EBF1: variants seen among roughly 807,000 people sequenced by gnomAD.
The protein encoded by EBF1 is transcription factor COE1.
A neutral mutation model predicts 68.4 loss-of-function variants in EBF1; 10 were observed. The observed-to-expected ratio is 0.15, with a 90% confidence interval of 0.09 to 0.25. The LOEUF (loss-of-function observed/expected upper bound fraction) is 0.25. Ranked by LOEUF, EBF1 falls within the 10% of genes least tolerant of loss-of-function variation. The pLI is 1.00. For synonymous variants in EBF1, 298 were observed against 299.8 expected, an observed-to-expected ratio of 0.99 and a Z score of 0.06; for missense variants, 509 against 794.4, an observed-to-expected ratio of 0.64 and a Z score of 4.32.
chr5:158,920,484 T>A lies in EBF1; in HGVS notation c.555-80374A>T, dbSNP rs745756062. 2.0e-4 allele frequency among the ~76,000 whole-genome samples: 30 copies of A among 152,352 alleles called. No homozygotes were observed. The South Asian group carries it at 2.7e-3, about 14-fold the overall frequency. On this transcript the variant is annotated intron_variant, in intron 6 of 15. Coordinates refer to ENST00000313708, the MANE Select transcript of EBF1 (RefSeq NM_024007.5). ...TCCAATACCTCTGCTTTGTACCTAC[T>A]GGACACATGGCAGGCCTTGGTGGCC...
chr5:158,965,355 GA>G (rs34588832), intron 6 of EBF1, among the ~76,000 whole-genome samples: 7,732 of 151,782 alleles, frequency 0.051, 275 homozygotes, highest in Non-Finnish European at 0.072. Flanking sequence ...GGTTATTTGG[GA>G]AAAAAAATGC....
rs73816064 is a variant in EBF1, at chr5:158,805,908, C to A, written c.779-9433G>T. Among the ~76,000 whole-genome samples, 1,334 of 151,972 alleles carry A rather than the reference C, an allele frequency of 8.8e-3. 23 individuals are homozygous for A. The highest frequency in any genetic ancestry group is 0.031 in the African/African-American group (1,280 of 41,448). On this transcript the variant is annotated intron_variant, in intron 8 of 15. Coordinates refer to ENST00000313708, the MANE Select transcript of EBF1 (RefSeq NM_024007.5). ...AGTCATCACTTAACAAAATTAGCTACAACACTGTTTCTATCATTTTCATTA... is the reference window on the plus strand; with the variant it reads ...AGTCATCACTTAACAAAATTAGCTAAAACACTGTTTCTATCATTTTCATTA...
At chr5:158,953,677 A>T (rs1480296792) in intron 6 of EBF1, among the ~76,000 whole-genome samples, 1 of 152,176 alleles carries the variant, frequency 6.6e-6, no homozygotes, top group Non-Finnish European at 1.5e-5. Flanking sequence ...TTCCTTAATT[A>T]ATCTGCTGTG....
chr5:158,724,528 CTA>C (rs1456756428), intron 11 of EBF1, among the ~76,000 whole-genome samples: 3 of 152,116 alleles, frequency 2.0e-5, no homozygotes, highest in Non-Finnish European at 4.4e-5. Context: ...TGCATAAAGA[CTA>C]AAACAATAAA....
intron 10 of EBF1, among the ~76,000 whole-genome samples, chr5:158,752,068 A>T (rs1769023888): frequency 6.6e-6 from 1 of 152,064 alleles, no homozygotes; most frequent in Non-Finnish European, 1.5e-5. Context: ...CTATATTTAG[A>T]TTCTAACAGA....
rs529977834 is a variant in EBF1, at chr5:159,052,070, C to T, written c.554+21326G>A. On this transcript the variant is annotated intron_variant, in intron 6 of 15. Transcript: ENST00000313708. ...ATTTAGTATATTTGTTTCAGAAAGACGTAAGAATTTTAATAAAACTAAACC... is the reference window on the plus strand; with the variant it reads ...ATTTAGTATATTTGTTTCAGAAAGATGTAAGAATTTTAATAAAACTAAACC... 2.0e-5 allele frequency among the ~76,000 whole-genome samples: 3 copies of T among 151,818 alleles called. No homozygotes were observed. In the South Asian group the frequency reaches 6.2e-4, roughly 32 times the overall value.
At chr5:158,946,990 G>A (rs1462406898) in intron 6 of EBF1, among the ~76,000 whole-genome samples, 2 of 152,154 alleles carry the variant, frequency 1.3e-5, no homozygotes, top group African/African-American at 2.4e-5. Context: ...ACACTGTGAG[G>A]GGAAAAACAT....
rs536985954 is a variant in EBF1 at position 159,042,907 on chromosome 5, C to T, written c.554+30489G>A. On this transcript the variant is annotated intron_variant, in intron 6 of 15. Coordinates refer to ENST00000313708, the MANE Select transcript of EBF1 (RefSeq NM_024007.5). ...TTAAATAGGATGTCATGACAGGGAG[C>T]TACTAGGTAGCTGCTTAAGGTTAGG... Among the ~76,000 whole-genome samples the T allele has an allele frequency of 7.8e-4, 118 of 151,466 alleles. 2 individuals carry two copies. Among genetic ancestry groups the T allele is most frequent in the Non-Finnish European group, 2.9e-5 (2 of 67,882 alleles).
intron 6 of EBF1, among the ~76,000 whole-genome samples, chr5:159,030,729 C>A (rs1177279304): frequency 6.6e-6 from 1 of 152,156 alleles, no homozygotes; most frequent in Non-Finnish European, 1.5e-5. Flanking sequence ...GAATATAAGG[C>A]TGAAAAGGTG....
intron 10 of EBF1, among the ~76,000 whole-genome samples, chr5:158,734,635 C>T (rs551979797): frequency 1.4e-4 from 22 of 152,128 alleles, no homozygotes; most frequent in Non-Finnish European, 2.9e-4. Context: ...CCTCATTGTA[C>T]CCAAGCGCAG....
At chr5:158,743,909 G>T (rs1451327123) in intron 10 of EBF1, among the ~76,000 whole-genome samples, 1 of 152,182 alleles carries the variant, frequency 6.6e-6, no homozygotes, top group Non-Finnish European at 1.5e-5. Context: ...GGTGGCTCAT[G>T]CCTGCAATCC....
At chr5:158,723,280 C>G (rs1762312087) in intron 11 of EBF1, among the ~76,000 whole-genome samples, 1 of 152,118 alleles carries the variant, frequency 6.6e-6, no homozygotes, top group Non-Finnish European at 1.5e-5. Flanking sequence ...TGTAAATTGG[C>G]TTTTTTTCTT....
chr5:159,066,548 AC>A (rs1256385323), intron 6 of EBF1, among the ~76,000 whole-genome samples: 1 of 150,606 alleles, frequency 6.6e-6, no homozygotes, highest in Non-Finnish European at 1.5e-5. Flanking sequence ...CATATGTGAC[AC>A]CCCCTGCCCC....
intron 10 of EBF1, among the ~76,000 whole-genome samples, chr5:158,731,387 C>T (rs1764060221): frequency 6.6e-6 from 1 of 152,146 alleles, no homozygotes; most frequent in African/African-American, 2.4e-5. Flanking sequence ...AGGTCTTGAA[C>T]AGTGTTCCTT....
intron 8 of EBF1, among the ~76,000 whole-genome samples, chr5:158,819,398 G>A (rs1450183493): frequency 1.3e-5 from 2 of 152,240 alleles, no homozygotes; most frequent in African/African-American, 4.8e-5. Flanking sequence ...CATGCAAGCT[G>A]ACAGGGGCTC....
At chr5:159,076,843 CAT>C (rs1184673534) in intron 5 of EBF1, among the ~76,000 whole-genome samples, 1 of 152,098 alleles carries the variant, frequency 6.6e-6, no homozygotes, top group Non-Finnish European at 1.5e-5. Context: ...TACATACATA[CAT>C]ATGAGTGTAC....
chr5:158,727,437 A>G (rs556483543), intron 11 of EBF1, among the ~76,000 whole-genome samples: 43 of 152,180 alleles, frequency 2.8e-4, no homozygotes, highest in Non-Finnish European at 5.3e-4. Context: ...CTGATCGACC[A>G]TGTTCCCCAT....
chr5:159,011,103 G>A lies in EBF1; in HGVS notation c.554+62293C>T, dbSNP rs1583915375. Among the ~76,000 whole-genome samples the A allele has an allele frequency of 3.9e-5, 6 of 152,326 alleles. No individual in the cohort carries two copies. The South Asian group carries it at 1.2e-3, about 32-fold the overall frequency. ...GAATTGCATCAGGGTCACCGTATCT[G>A]GAGGAGTTTTCCCAGCCGCCTAACT... On this transcript the variant is annotated intron_variant, in intron 6 of 15. Coordinates refer to ENST00000313708, the MANE Select transcript of EBF1 (RefSeq NM_024007.5).
chr5:158,943,923 T>C lies in EBF1; in HGVS notation c.555-103813A>G, dbSNP rs1814065226. ...CAGTTGGAAATGCCAGACCCTCTTG[T>C]GCAGGGAAAGCTTTATCATCACACT... On this transcript the variant is annotated intron_variant, in intron 6 of 15. Coordinates refer to ENST00000313708, the MANE Select transcript of EBF1 (RefSeq NM_024007.5). 3.3e-5 allele frequency among the ~76,000 whole-genome samples: 5 copies of C among 152,324 alleles called. No individual in the cohort carries two copies. In the South Asian group the frequency reaches 1.0e-3, roughly 32 times the overall value.
Sources: gnomAD v4.1 joint callset for allele counts (sites outside exome capture counted in the v4.1 genomes callset) on GRCh38, gnomAD v4.1.1 for gene constraint, MANE v1.5 for transcripts, NCBI Gene and HGNC (gene_info 2026-07-23, HGNC 2026-07-21) for gene names.